Variants in DCDC1 observed in about 807,000 individuals in gnomAD.
The protein encoded by DCDC1 is doublecortin domain containing 1.
Under a neutral mutation model 178.3 loss-of-function variants are expected in DCDC1, and 200 were observed. The observed-to-expected ratio is 1.12, with a 90% CI of 1.00 to 1.26. The LOEUF (loss-of-function observed/expected upper bound fraction) is 1.26. DCDC1 is among the 50% of genes most tolerant of loss of function. The pLI, the probability that DCDC1 is intolerant of heterozygous loss-of-function variation, is 0.00. For synonymous variants in DCDC1, 690 were observed against 604.8 expected (o/e 1.14, Z -2.07); for missense variants, 1,983 against 1,749.2 (o/e 1.13, Z -2.38).
At chr11:31,275,661 C>T (rs930232039) in intron 7 of DCDC1, among the ~76,000 whole-genome samples, 9 of 152,204 alleles carry the variant, frequency 5.9e-5, no homozygotes, top group East Asian at 1.9e-4. Context: ...TGCACCACTA[C>T]GCCTGGCTAA....
At chr11:31,026,735 T>A (rs1953264103) in intron 20 of DCDC1, among the ~76,000 whole-genome samples, 1 of 151,832 alleles carries the variant, frequency 6.6e-6, no homozygotes, top group South Asian at 2.1e-4. Context: ...AATGGAATAT[T>A]TTGAATGTTA....
intron 20 of DCDC1, among the ~76,000 whole-genome samples, chr11:30,995,146 C>T (rs1368400516): frequency 1.3e-5 from 2 of 152,002 alleles, no homozygotes; most frequent in East Asian, 3.8e-4. Context: ...AATCTCAAAA[C>T]ATCACATTTA....
At chr11:30,948,151 C>A (rs1234100069) in intron 21 of DCDC1, among the ~76,000 whole-genome samples, 1 of 152,084 alleles carries the variant, frequency 6.6e-6, no homozygotes, top group Non-Finnish European at 1.5e-5. Context: ...GCAACTTCTG[C>A]AAAGTCTCAG....
chr11:30,887,971 C>A (rs1171904949), intron 36 of DCDC1, among the ~76,000 whole-genome samples: 2 of 146,438 alleles, frequency 1.4e-5, no homozygotes, highest in South Asian at 2.1e-4. Flanking sequence ...CCATTGCACT[C>A]CAGCCTGGGC....
chr11:30,931,784 C>T lies in DCDC1; in HGVS notation c.2884G>A (p.Gly962Arg). 6.2e-7 allele frequency: 1 copy of T among 1,610,292 alleles called. No individual in the cohort carries two copies. Reference sequence around the variant, plus strand: ...AGTTGTTCTTACTGCGTTTTCCGTCCAGGTGAGATATCTGGACCAAGGATA... The same window carrying T: ...AGTTGTTCTTACTGCGTTTTCCGTCTAGGTGAGATATCTGGACCAAGGATA... The part of the protein sequence containing the change: ...VTILGPDISP[G>R]RKTQCTEILN... Residue 962 changes from glycine (G) to arginine (R), a missense_variant, in exon 22 of 39, where the codon GGA (glycine) becomes AGA (arginine). Transcript: ENST00000684477.
At chr11:31,099,210 A>G (rs1344569772) in intron 15 of DCDC1, among the ~76,000 whole-genome samples, 3 of 152,206 alleles carry the variant, frequency 2.0e-5, no homozygotes, top group Admixed American at 6.5e-5. Flanking sequence ...ATTAAATTCA[A>G]TTCAGGTCAG....
At chr11:31,284,774 GATT>G (rs1946696448) in intron 7 of DCDC1, among the ~76,000 whole-genome samples, 1 of 151,828 alleles carries the variant, frequency 6.6e-6, no homozygotes. Flanking sequence ...AAGTAGCTTG[GATT>G]ACAGGCACCC....
intron 9 of DCDC1, among the ~76,000 whole-genome samples, chr11:31,149,533 G>C (rs1037332696): frequency 1.4e-4 from 21 of 151,984 alleles, no homozygotes; most frequent in Non-Finnish European, 2.8e-4. Flanking sequence ...CAACCTGCTC[G>C]GGTTGGCTTC....
intron 17 of DCDC1, among the ~76,000 whole-genome samples, chr11:31,088,199 C>T (rs890395130): frequency 3.3e-5 from 5 of 151,652 alleles, no homozygotes; most frequent in African/African-American, 4.8e-5. Context: ...ATATTTGTTT[C>T]TTTATATTTA....
chr11:30,973,376 G>A (rs920280795), intron 20 of DCDC1, among the ~76,000 whole-genome samples: 23 of 151,584 alleles, frequency 1.5e-4, no homozygotes, highest in Non-Finnish European at 2.6e-4. Context: ...ATGACTGTAA[G>A]TTTCCTGAGG....
intron 20 of DCDC1, among the ~76,000 whole-genome samples, chr11:31,025,806 CA>C (rs1039292244): frequency 9.2e-5 from 14 of 151,588 alleles, no homozygotes; most frequent in Non-Finnish European, 1.3e-4. Context: ...ATAAATATGG[CA>C]AATAAGCATT....
intron 20 of DCDC1, among the ~76,000 whole-genome samples, chr11:31,006,955 C>T (rs1445475799): frequency 6.6e-6 from 1 of 152,190 alleles, no homozygotes; most frequent in African/African-American, 2.4e-5. Context: ...GTATTCACAT[C>T]TAGAAACTAA....
At chr11:31,002,649 C>G (rs1427424152) in intron 20 of DCDC1, among the ~76,000 whole-genome samples, 1 of 152,144 alleles carries the variant, frequency 6.6e-6, no homozygotes, top group Non-Finnish European at 1.5e-5. Flanking sequence ...AGTTATTCCT[C>G]TAATTTTCTT....
At chr11:31,353,919 A>G (rs1182544703) in intron 1 of DCDC1, among the ~76,000 whole-genome samples, 3 of 152,242 alleles carry the variant, frequency 2.0e-5, no homozygotes, top group African/African-American at 7.2e-5. Flanking sequence ...TCTAAGAAGT[A>G]CATTGTAAGA....
intron 3 of DCDC1, among the ~76,000 whole-genome samples, chr11:31,309,343 C>T (rs1353931070): frequency 6.6e-6 from 1 of 152,198 alleles, no homozygotes; most frequent in Non-Finnish European, 1.5e-5. Flanking sequence ...AGGCTCAAAA[C>T]TGTGGCAAAC....
chr11:31,030,708 T>C (rs1439408826), intron 20 of DCDC1, among the ~76,000 whole-genome samples: 1 of 152,148 alleles, frequency 6.6e-6, no homozygotes, highest in Non-Finnish European at 1.5e-5. Flanking sequence ...AAGCCACCAC[T>C]CATGTGGAAA....
At chr11:31,001,424 C>T (rs546218379) in intron 20 of DCDC1, among the ~76,000 whole-genome samples, 1 of 152,210 alleles carries the variant, frequency 6.6e-6, no homozygotes, top group East Asian at 1.9e-4. Context: ...TTAGAAACTC[C>T]TGTCTAGACA....
At chr11:30,872,102 T>C (rs753205645) in intron 38 of DCDC1, among the ~76,000 whole-genome samples, 5 of 152,080 alleles carry the variant, frequency 3.3e-5, no homozygotes, top group Non-Finnish European at 7.4e-5. Context: ...AAGGCCCTCA[T>C]AATCAGGCCC....
chr11:31,036,362 T>C (rs1954024725), intron 20 of DCDC1, among the ~76,000 whole-genome samples: 1 of 152,220 alleles, frequency 6.6e-6, no homozygotes, highest in Non-Finnish European at 1.5e-5. Context: ...CTCATTTCTT[T>C]TGGAATAGTC....
Sources: allele counts gnomAD v4.1 joint callset (sites outside exome capture counted in the v4.1 genomes callset), GRCh38; gene constraint gnomAD v4.1.1; transcripts MANE v1.5; gene names NCBI Gene and HGNC (gene_info 2026-07-23, HGNC 2026-07-21).